The following ZNF19 variants were observed in gnomAD, a reference collection of about 807,000 sequenced individuals.
ZNF19 encodes the protein zinc finger protein 19.
Under a neutral mutation model 13.1 loss-of-function variants are expected in ZNF19, and 11 were observed. That is an observed-to-expected ratio of 0.84 (90% confidence interval 0.53 to 1.39). The LOEUF (loss-of-function observed/expected upper bound fraction) is 1.39. ZNF19 is among the 40% of genes most tolerant of loss of function. The pLI, the probability that ZNF19 is intolerant of heterozygous loss-of-function variation, is 0.00. For synonymous variants in ZNF19, 186 were observed against 187.0 expected (o/e 0.99, Z 0.04); for missense variants, 560 against 547.0 (o/e 1.02, Z -0.24).
At chr16:71,481,608 CAT>C (rs1383697318) in intron 3 of ZNF19, among the ~76,000 whole-genome samples, 6 of 152,192 alleles carry the variant, frequency 3.9e-5, no homozygotes, top group African/African-American at 4.8e-5. Flanking sequence ...ACCTCAAGGA[CAT>C]ATGTTTCCTG....
chr16:71,475,243 T>C lies in ZNF19; in HGVS notation c.1304A>G (p.Tyr435Cys). ...GTCCAGCACAGGCTTCTCTCCAGAG[T>C]AGACATGCTCAAGGTGACCTAGCTG... ...SSQLGHLEHV[Y>C]SGEKPVLDIC... Residue 435 changes from tyrosine (Y) to cysteine (C), a missense_variant, in exon 6 of 6, where the codon TAC becomes TGC. Physicochemically the swap from Tyr to Cys is radical, Grantham distance 194. Transcript: ENST00000288177. The C allele has an allele frequency of 6.2e-7, 1 of 1,614,076 alleles. No homozygotes were observed.
At chr16:71,478,572 AG>A (rs1301276866) in intron 4 of ZNF19, 1 of 687,644 alleles carries the variant, frequency 1.5e-6, no homozygotes, top group Non-Finnish European at 2.6e-6. Flanking sequence ...AACACAGGGA[AG>A]GGGACATGCC....
At chr16:71,487,930 T>C (rs1212215619) in intron 1 of ZNF19, among the ~76,000 whole-genome samples, 1 of 152,224 alleles carries the variant, frequency 6.6e-6, no homozygotes, top group Non-Finnish European at 1.5e-5. Flanking sequence ...TCCTTGCAGC[T>C]GCAAACATAC....
chr16:71,475,228 G>A lies in ZNF19; in HGVS notation c.1319C>T (p.Pro440Leu). The A allele has an allele frequency of 1.9e-6, 3 of 1,614,052 alleles. No individual in the cohort carries two copies. The highest frequency in any genetic ancestry group is 1.1e-5 in the South Asian group (1 of 91,058). ...GCCAAAACGACAAATGTCCAGCACA[G>A]GCTTCTCTCCAGAGTAGACATGCTC... is the stretch of plus-strand genomic sequence containing the variant. Reference protein sequence around the residue: ...HLEHVYSGEKPVLDICRFGLP... With the variant: ...HLEHVYSGEKLVLDICRFGLP... Residue 440 changes from proline (P) to leucine (L), a missense_variant, in exon 6 of 6, where the codon CCT becomes CTT. Transcript: ENST00000288177.
chr16:71,481,993 G>A (rs2043639770), intron 3 of ZNF19, 89 bp downstream of exon 3: 1 of 1,441,490 alleles, frequency 6.9e-7, no homozygotes, highest in Non-Finnish European at 9.7e-7. Context: ...TACTGCTTTG[G>A]CTCTAAGACT....
In ZNF19 at chr16:71,473,961, T is replaced by A. The variant is rs146077606; in HGVS notation, c.*1209A>T. The A allele has an allele frequency of 1.4e-4, 21 of 152,340 alleles. No homozygotes were observed. Among genetic ancestry groups the A allele is most frequent in the African/African-American group, 4.8e-4 (20 of 41,580 alleles). 9.4% of individuals were successfully genotyped at this position (152,340 alleles called of 1,614,324 possible). ...ATTCCCCAAGTCTATCATTCATTGG[T>A]CAACCCAAGCACATGATACAACTGC... is the stretch of plus-strand genomic sequence containing the variant. On this transcript the variant is annotated 3_prime_UTR_variant, in exon 6 of 6. Transcript: ENST00000288177.
At chr16:71,480,874 C>T (rs912488777) in intron 3 of ZNF19, among the ~76,000 whole-genome samples, 3 of 152,200 alleles carry the variant, frequency 2.0e-5, no homozygotes, top group Non-Finnish European at 2.9e-5. Context: ...CTGATGTACA[C>T]TGAAGTCTGA....
rs964749917 is a variant in ZNF19, at chr16:71,475,126, G to A, written c.*44C>T. ...CCTGTGTCACACATTCCATTCCTGA[G>A]TAGAAGACGGAATCCACTCAGTACA... On this transcript the variant is annotated 3_prime_UTR_variant, in exon 6 of 6. Coordinates refer to ENST00000288177, the MANE Select transcript of ZNF19 (RefSeq NM_006961.4). 4 of 1,512,194 alleles carry A rather than the reference G, an allele frequency of 2.6e-6. No individual in the cohort carries two copies. In the African/African-American group the frequency reaches 5.5e-5, roughly 21 times the overall value. The allele number at this position is 1,512,194 out of a possible 1,614,324, so 93.7% of individuals were successfully genotyped here. A position where few individuals can be genotyped will look rare whatever the true frequency, so the allele number is the denominator to read the frequency against.
In ZNF19 at chr16:71,486,521, G is replaced by T. The variant is rs140422955; in HGVS notation, c.-189-1773C>A. Among the ~76,000 whole-genome samples, 318 of 152,266 alleles carry T rather than the reference G, an allele frequency of 2.1e-3. 1 individual carries two copies. Among genetic ancestry groups the T allele is most frequent in the African/African-American group, 6.8e-3 (283 of 41,548 alleles). ...TTTGAAGATGGAGGAAGGGGCCAAG[G>T]GTCAAGGAAAGTGGGTGGCCTCCAG... On this transcript the variant is annotated intron_variant, in intron 1 of 5. Coordinates refer to ENST00000288177, the MANE Select transcript of ZNF19 (RefSeq NM_006961.4).
chr16:71,480,423 C>T (rs967663293), intron 3 of ZNF19, among the ~76,000 whole-genome samples: 2 of 152,124 alleles, frequency 1.3e-5, no homozygotes, highest in African/African-American at 2.4e-5. Context: ...ATATTTTTCC[C>T]TCTCTGTTGA....
In ZNF19 at chr16:71,473,998, C is replaced by A. The variant is rs140081433; in HGVS notation, c.*1172G>T. 6.6e-6 allele frequency: 1 copy of A among 152,356 alleles called. No homozygotes were observed. The highest frequency in any genetic ancestry group is 2.4e-5 in the African/African-American group (1 of 41,574). The allele number at this position is 152,356 out of a possible 1,614,324, so 9.4% of individuals were successfully genotyped here. Reference sequence around the variant, plus strand: ...CATGATACAACTGCTCATTCATCTGCTGACAAGTAAGGAAGAGGTGGTGAA... The same window carrying A: ...CATGATACAACTGCTCATTCATCTGATGACAAGTAAGGAAGAGGTGGTGAA... On this transcript the variant is annotated 3_prime_UTR_variant, in exon 6 of 6. Transcript: ENST00000288177.
At position 71,475,001 on chromosome 16, in the gene ZNF19, C is replaced by T. The variant is rs1026941864; in HGVS notation, c.*169G>A. 1.2e-6 allele frequency: 1 copy of T among 816,850 alleles called. No homozygotes were observed. The highest frequency in any genetic ancestry group is 1.7e-5 in the African/African-American group (1 of 57,726). The allele number at this position is 816,850 out of a possible 1,614,324, so 50.6% of individuals were successfully genotyped here. On this transcript the variant is annotated 3_prime_UTR_variant, in exon 6 of 6. Transcript: ENST00000288177. ...GGGGGAGAGTATTTGTTCCTATTAG[C>T]TCTTGCAATCCTGGGACTCTAATTG...
intron 3 of ZNF19, among the ~76,000 whole-genome samples, chr16:71,480,687 TTCA>T: frequency 6.6e-6 from 1 of 152,214 alleles, no homozygotes; most frequent in Non-Finnish European, 1.5e-5. Flanking sequence ...ACAACCTGAC[TTCA>T]TCAACTCCTG....
intron 5 of ZNF19, among the ~76,000 whole-genome samples, chr16:71,477,013 C>T (rs943015797): frequency 2.0e-5 from 3 of 152,152 alleles, no homozygotes; most frequent in Non-Finnish European, 4.4e-5. Context: ...TATTCTTTCT[C>T]CTATCAGCAA....
intron 4 of ZNF19, 59 bp from the exon 5 acceptor site, chr16:71,478,400 A>G: frequency 7.9e-7 from 1 of 1,263,106 alleles, no homozygotes; most frequent in Non-Finnish European, 1.1e-6. Context: ...CAAAAGAAGG[A>G]AAACCCCAGG....
At chr16:71,478,557 G>A in intron 4 of ZNF19, 1 of 693,046 alleles carries the variant, frequency 1.4e-6, no homozygotes, top group Non-Finnish European at 2.6e-6. Flanking sequence ...CACAAGGCAT[G>A]AGCAAACACA....
rs1567569124 is a variant in ZNF19, at chr16:71,475,730, AG to A, written c.816del (p.Tyr273MetfsTer44). ...IHQRIHTGEK[P>X]YECNECGKAF... ...GCTTTGCCACACTCATTACACTCAT[AG>A]GGTTTCTCCCCAGTGTGGATTCTCT... On this transcript the variant is annotated frameshift_variant, in exon 6 of 6. Transcript: ENST00000288177. LOFTEE classifies it low-confidence loss of function (END_TRUNC). 6.2e-7 allele frequency: 1 copy of A among 1,612,504 alleles called. No individual in the cohort carries two copies. The highest frequency in any genetic ancestry group is 8.5e-7 in the Non-Finnish European group (1 of 1,178,732).
intron 3 of ZNF19, among the ~76,000 whole-genome samples, chr16:71,481,251 C>T (rs1164887571): frequency 6.6e-6 from 1 of 152,042 alleles, no homozygotes; most frequent in Non-Finnish European, 1.5e-5. Flanking sequence ...GTGACACAGT[C>T]AGGTAGAGAA....
At position 71,482,107 on chromosome 16, in the gene ZNF19, G is replaced by C; in HGVS notation, c.8C>G (p.Ala3Gly). 6.2e-7 allele frequency: 1 copy of C among 1,614,124 alleles called. No homozygotes were observed. Among genetic ancestry groups the C allele is most frequent in the Non-Finnish European group, 8.5e-7 (1 of 1,180,020 alleles). Residue 3 changes from alanine to glycine, a missense_variant, in exon 3 of 6, where the codon GCC (alanine) becomes GGC (glycine). Physicochemically the swap from Ala to Gly is moderately conservative, Grantham distance 60. Transcript: ENST00000288177. MA[A>G]MPLKAQYQEM... is the part of the protein sequence containing the mutation. ...CTGGTATTGAGCTTTCAGAGGCATG[G>C]CTGCCATGACCTGGTCTCCCTCTTA...
Sources: allele counts gnomAD v4.1 joint callset (sites outside exome capture counted in the v4.1 genomes callset), GRCh38; gene constraint gnomAD v4.1.1; transcripts MANE v1.5; gene names NCBI Gene and HGNC (gene_info 2026-07-23, HGNC 2026-07-21).